Variants in AKR1E2 observed in about 807,000 individuals in gnomAD.
AKR1E2 encodes aldo-keto reductase family 1 member E2.
A neutral mutation model predicts 41.9 loss-of-function variants in AKR1E2; 43 were observed. That is an observed-to-expected ratio of 1.03 (90% CI 0.80 to 1.32). The LOEUF (loss-of-function observed/expected upper bound fraction) is 1.32. Among genes scored for constraint, AKR1E2 ranks in the 40% most tolerant of loss-of-function variants. The pLI, the probability that AKR1E2 is intolerant of heterozygous loss-of-function variation, is 0.00. For synonymous variants in AKR1E2, 121 were observed against 138.9 expected, an observed-to-expected ratio of 0.87 and a Z score of 0.91; for missense variants, 423 against 396.5, an observed-to-expected ratio of 1.07 and a Z score of -0.57.
chr10:4,868,844 T>G, the AKR1E2 span, among the ~76,000 whole-genome samples: 1 of 152,186 alleles, frequency 6.6e-6, no homozygotes, highest in African/African-American at 2.4e-5. Flanking sequence ...TATTAACTGA[T>G]TTTTGAACAT....
chr10:4,864,263 T>C, the AKR1E2 span, among the ~76,000 whole-genome samples: 1 of 152,118 alleles, frequency 6.6e-6, no homozygotes, highest in African/African-American at 2.4e-5. Context: ...TTATCCACCA[T>C]GATCAAGTGG....
chr10:4,846,396 G>A (rs1349820331), intron 8 of AKR1E2, among the ~76,000 whole-genome samples: 1 of 152,148 alleles, frequency 6.6e-6, no homozygotes, highest in African/African-American at 2.4e-5. Flanking sequence ...GAAGAAAAAT[G>A]GATCACTCAG....
upstream of AKR1E2, chr10:4,826,117 C>T (rs916556624): frequency 7.3e-6 from 3 of 408,314 alleles, no homozygotes; most frequent in South Asian, 1.4e-4. Context: ...GTCCTTAATA[C>T]AACCAGCCAG....
chr10:4,852,584 G>A (rs1834548755), downstream of AKR1E2, among the ~76,000 whole-genome samples: 1 of 78,726 alleles, frequency 1.3e-5, no homozygotes, highest in African/African-American at 3.3e-5. Context: ...TGTGACAGCT[G>A]CAGGGACAGA....
chr10:4,862,796 A>G, the AKR1E2 span, among the ~76,000 whole-genome samples: 1 of 152,192 alleles, frequency 6.6e-6, no homozygotes, highest in Non-Finnish European at 1.5e-5. Context: ...AAAACAAAAA[A>G]AGGCAGGGGT....
the AKR1E2 span, chr10:4,871,963 G>GTTAAT: frequency 6.6e-6 from 1 of 151,924 alleles, no homozygotes; most frequent in Non-Finnish European, 1.5e-5. Context: ...GAAAGTCTTA[G>GTTAAT]TCATTGTTTC....
the AKR1E2 span, among the ~76,000 whole-genome samples, chr10:4,866,441 C>G: frequency 6.6e-6 from 1 of 152,210 alleles, no homozygotes; most frequent in East Asian, 1.9e-4. Context: ...TCTTGCAAAC[C>G]TATATAGTAA....
chr10:4,864,715 G>T, the AKR1E2 span, among the ~76,000 whole-genome samples: 1 of 152,094 alleles, frequency 6.6e-6, no homozygotes, highest in South Asian at 2.1e-4. Flanking sequence ...AAACCCCATC[G>T]TCTCAGCCCA....
At chr10:4,860,175 A>AACTGACAGT in the AKR1E2 span, among the ~76,000 whole-genome samples, 1 of 152,340 alleles carries the variant, frequency 6.6e-6, no homozygotes, top group South Asian at 2.1e-4. Context: ...CAGTGAACTT[A>AACTGACAGT]AACTTTAACT....
chr10:4,825,804 C>T (rs771731853), upstream of AKR1E2, among the ~76,000 whole-genome samples: 17 of 152,184 alleles, frequency 1.1e-4, no homozygotes, highest in Non-Finnish European at 5.9e-5. Flanking sequence ...TAGGATGGCC[C>T]GGCCATGGCG....
At chr10:4,849,835 C>A (rs1423964960), downstream of AKR1E2, among the ~76,000 whole-genome samples, 4 of 152,192 alleles carry the variant, frequency 2.6e-5, no homozygotes, top group Non-Finnish European at 2.9e-5. Context: ...CACCAGGTGG[C>A]GCTGGGAAGC....
At chr10:4,838,953 C>G (rs972050036) in intron 5 of AKR1E2, among the ~76,000 whole-genome samples, 4 of 152,320 alleles carry the variant, frequency 2.6e-5, no homozygotes, top group African/African-American at 7.2e-5. Context: ...TCCAGAAGGG[C>G]TGGCCTCTCT....
intron 3 of AKR1E2, among the ~76,000 whole-genome samples, chr10:4,834,916 CA>C (rs1263968073): frequency 6.6e-6 from 1 of 152,166 alleles, no homozygotes; most frequent in East Asian, 1.9e-4. Context: ...TCCCGGGCTG[CA>C]ATTTTGTGGA....
the AKR1E2 span, among the ~76,000 whole-genome samples, chr10:4,863,217 A>T: frequency 0.26 from 39,134 of 151,904 alleles, 5,245 homozygotes; most frequent in Middle Eastern, 0.37. Flanking sequence ...GAAGTAAAGC[A>T]CTCCTCAGCA....
intron 3 of AKR1E2, 44 bp downstream of exon 3, chr10:4,833,510 C>T (rs770659028): frequency 1.3e-6 from 2 of 1,514,138 alleles, no homozygotes; most frequent in Non-Finnish European, 1.8e-6. Context: ...GCAGGACCTT[C>T]CTCCCCGTGC....
At chr10:4,864,206 C>T in the AKR1E2 span, among the ~76,000 whole-genome samples, 1 of 152,042 alleles carries the variant, frequency 6.6e-6, no homozygotes, top group Admixed American at 6.6e-5. Context: ...ACGCAAAAAT[C>T]CTCAATAAAA....
chr10:4,854,682 C>G, the AKR1E2 span, among the ~76,000 whole-genome samples: 1 of 152,098 alleles, frequency 6.6e-6, no homozygotes, highest in African/African-American at 2.4e-5. Flanking sequence ...CAGCAGTGAT[C>G]AGCGGACTTT....
chr10:4,843,925 A>G (rs76863232), intron 8 of AKR1E2, among the ~76,000 whole-genome samples: 4,818 of 152,232 alleles, frequency 0.032, 130 homozygotes, highest in East Asian at 0.12. Flanking sequence ...ATTTGGCTAA[A>G]CTGTAAACTC....
At chr10:4,861,774 G>T in the AKR1E2 span, among the ~76,000 whole-genome samples, 1 of 152,082 alleles carries the variant, frequency 6.6e-6, no homozygotes, top group Non-Finnish European at 1.5e-5. Context: ...TTTTGATGGG[G>T]TTGTTTGTTT....
Sources: gnomAD v4.1 joint callset for allele counts (sites outside exome capture counted in the v4.1 genomes callset) on GRCh38, gnomAD v4.1.1 for gene constraint, MANE v1.5 for transcripts, NCBI Gene and HGNC (gene_info 2026-07-23, HGNC 2026-07-21) for gene names.